The following DLG2 variants were observed in gnomAD, a reference collection of about 807,000 sequenced individuals.
DLG2 encodes the protein discs large MAGUK scaffold protein 2.
DLG2 carries 45 observed loss-of-function variants against 132.5 expected under a neutral mutation model. That is an observed-to-expected ratio of 0.34 (90% CI 0.27 to 0.44). The LOEUF (loss-of-function observed/expected upper bound fraction) is 0.44, where lower values mean the gene tolerates loss of function less well. Ranked by LOEUF, DLG2 falls within the 20% of genes least tolerant of loss-of-function variation. The pLI is 1.00. For missense variants in DLG2, 1,045 were observed against 1,196.9 expected (o/e 0.87, Z 1.87); for synonymous variants, 424 against 419.6 (o/e 1.01, Z -0.13).
chr11:85,265,741 A>G (rs915739615), intron 4 of DLG2, among the ~76,000 whole-genome samples: 1 of 152,218 alleles, frequency 6.6e-6, no homozygotes, highest in Non-Finnish European at 1.5e-5. Context: ...TGTGCCTATA[A>G]AGATCCTAGA....
At chr11:83,923,365 G>T (rs536826750) in intron 15 of DLG2, among the ~76,000 whole-genome samples, 3 of 152,212 alleles carry the variant, frequency 2.0e-5, no homozygotes, top group African/African-American at 7.2e-5. Context: ...TCTAATGAGG[G>T]AATTGAGGCT....
At chr11:84,333,680 A>G (rs537498715) in intron 7 of DLG2, among the ~76,000 whole-genome samples, 5 of 152,352 alleles carry the variant, frequency 3.3e-5, no homozygotes, top group Admixed American at 3.3e-4. Flanking sequence ...GGCCAAAAAA[A>G]AGACAGCCAT....
chr11:83,745,635 C>G (rs982346963), intron 18 of DLG2, among the ~76,000 whole-genome samples: 4 of 151,930 alleles, frequency 2.6e-5, no homozygotes, highest in Admixed American at 6.6e-5. Context: ...AACCCCGTCT[C>G]TACTAAAAAT....
chr11:85,345,085 A>AGAAGCACATTGAGGGTT (rs1412630644), intron 3 of DLG2, among the ~76,000 whole-genome samples: 1 of 152,174 alleles, frequency 6.6e-6, no homozygotes, highest in East Asian at 1.9e-4. Context: ...TCAAGAGTAA[A>AGAAGCACATTGAGGGTT]GAAGCACATT....
At chr11:85,208,913 A>G (rs2082072543) in intron 4 of DLG2, among the ~76,000 whole-genome samples, 1 of 152,002 alleles carries the variant, frequency 6.6e-6, no homozygotes, top group Admixed American at 6.6e-5. Context: ...TCTTGTCCTC[A>G]ATGAAAAAGG....
At chr11:84,445,931 A>AT (rs1222363393) in intron 7 of DLG2, among the ~76,000 whole-genome samples, 1 of 151,180 alleles carries the variant, frequency 6.6e-6, no homozygotes, top group East Asian at 1.9e-4. Context: ...AAAAAAAAAA[A>AT]AAAAAAAATA....
At chr11:84,750,647 G>C (rs1332451621) in intron 6 of DLG2, among the ~76,000 whole-genome samples, 1 of 152,034 alleles carries the variant, frequency 6.6e-6, no homozygotes, top group African/African-American at 2.4e-5. Context: ...ATACATTTCT[G>C]AAACTATCAT....
chr11:84,687,718 T>C (rs1163978731), intron 6 of DLG2, among the ~76,000 whole-genome samples: 3 of 152,174 alleles, frequency 2.0e-5, no homozygotes, highest in Non-Finnish European at 4.4e-5. Flanking sequence ...TCAGGTTTCA[T>C]TTGAGTAAAT....
intron 7 of DLG2, among the ~76,000 whole-genome samples, chr11:84,304,019 A>C (rs1311089808): frequency 2.0e-5 from 3 of 152,226 alleles, no homozygotes; most frequent in Non-Finnish European, 4.4e-5. Flanking sequence ...TGCTCTAAGG[A>C]AATTCAGGTT....
Position 84,195,340 on chromosome 11 carries a change from A to AT in DLG2, c.574-31830dup, listed in dbSNP as rs1262705494. Among the ~76,000 whole-genome samples the AT allele has an allele frequency of 2.0e-5, 3 of 151,626 alleles. No homozygotes were observed. In the East Asian group the frequency reaches 5.8e-4, roughly 29 times the overall value. The stretch of plus-strand genomic sequence containing the variant: ...CACCACGTCCAGGTAATTTTTTTTT[A>AT]TTCTAGTAGAGACGGGGTTTCACCC... On this transcript the variant is annotated intron_variant, in intron 8 of 27. Transcript: ENST00000376104.
intron 18 of DLG2, among the ~76,000 whole-genome samples, chr11:83,655,820 C>T (rs942469819): frequency 2.2e-4 from 34 of 152,224 alleles, no homozygotes; most frequent in South Asian, 2.1e-4. Flanking sequence ...AGGACCTATT[C>T]CACTGCCCCC....
At chr11:84,574,856 C>T (rs1289298264) in intron 6 of DLG2, among the ~76,000 whole-genome samples, 1 of 152,120 alleles carries the variant, frequency 6.6e-6, no homozygotes, top group East Asian at 1.9e-4. Context: ...GAGACCTGGG[C>T]ATTATCTGAC....
chr11:84,197,036 C>CAAAAAAAAAAAAAAAAAAAAAA (rs60877284), intron 8 of DLG2, among the ~76,000 whole-genome samples: 6 of 87,930 alleles, frequency 6.8e-5, no homozygotes, highest in Admixed American at 1.5e-4. Flanking sequence ...GACTCTTTCT[C>CAAAAAAAAAAAAAAAAAAAAAA]AAAAAAAAAA....
At chr11:83,925,354 C>T (rs2078772239) in intron 15 of DLG2, among the ~76,000 whole-genome samples, 1 of 152,060 alleles carries the variant, frequency 6.6e-6, no homozygotes, top group Non-Finnish European at 1.5e-5. Context: ...TGAGTGCTGC[C>T]TGATTCATGA....
chr11:84,549,910 C>T (rs528077866), intron 6 of DLG2, among the ~76,000 whole-genome samples: 14 of 152,082 alleles, frequency 9.2e-5, no homozygotes, highest in Admixed American at 2.6e-4. Flanking sequence ...TGCACCACCA[C>T]GCCTGGATAA....
chr11:84,028,444 G>A (rs553931605), intron 11 of DLG2, among the ~76,000 whole-genome samples: 1 of 152,026 alleles, frequency 6.6e-6, no homozygotes, highest in Non-Finnish European at 1.5e-5. Context: ...ATCTCAAAGT[G>A]AAACTCTGTA....
At chr11:83,792,465 G>C (rs982321177) in intron 17 of DLG2, among the ~76,000 whole-genome samples, 1 of 151,896 alleles carries the variant, frequency 6.6e-6, no homozygotes, top group Non-Finnish European at 1.5e-5. Context: ...CAATTAAAAG[G>C]CTCCCTTACC....
intron 7 of DLG2, among the ~76,000 whole-genome samples, chr11:84,417,874 G>C (rs1012581390): frequency 3.9e-5 from 6 of 151,926 alleles, no homozygotes; most frequent in Non-Finnish European, 7.4e-5. Flanking sequence ...ACTTCTTTTT[G>C]TACACTGTAA....
At chr11:85,495,037 T>C (rs1424181957) in intron 3 of DLG2, among the ~76,000 whole-genome samples, 1 of 152,050 alleles carries the variant, frequency 6.6e-6, no homozygotes, top group East Asian at 1.9e-4. Flanking sequence ...GTCAAGAGAC[T>C]TAAACAGATA....
Sources: gnomAD v4.1 joint callset for allele counts (sites outside exome capture counted in the v4.1 genomes callset) on GRCh38, gnomAD v4.1.1 for gene constraint, MANE v1.5 for transcripts, NCBI Gene and HGNC (gene_info 2026-07-23, HGNC 2026-07-21) for gene names.